The following RALGAPA2 variants were observed in gnomAD, a reference collection of about 807,000 sequenced individuals.
RALGAPA2 encodes ral GTPase-activating protein subunit alpha-2.
RALGAPA2 carries 139 observed loss-of-function variants against 230.4 expected under a neutral mutation model. The ratio of observed to expected loss-of-function variants is 0.60; its 90% CI spans 0.53 to 0.69. RALGAPA2 has a LOEUF of 0.69. RALGAPA2 is among the 30% of genes least tolerant of loss of function. RALGAPA2 has a pLI of 0.00. For synonymous variants in RALGAPA2, 847 were observed against 837.8 expected, an observed-to-expected ratio of 1.01 and a Z score of -0.19; for missense variants, 2,163 against 2,276.0, an observed-to-expected ratio of 0.95 and a Z score of 1.01.
At chr20:20,516,549 TAA>T (rs2062876617) in intron 31 of RALGAPA2, among the ~76,000 whole-genome samples, 1 of 152,188 alleles carries the variant, frequency 6.6e-6, no homozygotes, top group Non-Finnish European at 1.5e-5. Context: ...CTGTCGAAGT[TAA>T]AGTTAACTAC....
At chr20:20,490,434 G>T (rs1220025340) in intron 36 of RALGAPA2, among the ~76,000 whole-genome samples, 1 of 152,012 alleles carries the variant, frequency 6.6e-6, no homozygotes, top group Non-Finnish European at 1.5e-5. Flanking sequence ...AGTACATTCT[G>T]GTTGTTTGGT....
chr20:20,677,007 C>A (rs991998111), intron 2 of RALGAPA2, among the ~76,000 whole-genome samples: 4 of 152,234 alleles, frequency 2.6e-5, no homozygotes, highest in South Asian at 4.2e-4. Flanking sequence ...AGCTGTGGAC[C>A]CCTGATCTAA....
intron 23 of RALGAPA2, among the ~76,000 whole-genome samples, chr20:20,548,821 G>A (rs1055820710): frequency 3.3e-5 from 5 of 152,204 alleles, no homozygotes; most frequent in African/African-American, 1.2e-4. Flanking sequence ...TACTCACAGA[G>A]GTACTCATTG....
chr20:20,427,706 G>C (rs1323385075), intron 37 of RALGAPA2, among the ~76,000 whole-genome samples: 1 of 152,080 alleles, frequency 6.6e-6, no homozygotes, highest in Admixed American at 6.6e-5. Context: ...GACCGCACAG[G>C]TTGCCAGTAA....
chr20:20,420,669 A>G (rs903923976), intron 37 of RALGAPA2, among the ~76,000 whole-genome samples: 4 of 152,166 alleles, frequency 2.6e-5, no homozygotes, highest in African/African-American at 9.7e-5. Flanking sequence ...ACTACACACA[A>G]GGAGGCAGGC....
At chr20:20,418,602 A>C (rs2060212639) in intron 37 of RALGAPA2, among the ~76,000 whole-genome samples, 1 of 152,246 alleles carries the variant, frequency 6.6e-6, no homozygotes, top group South Asian at 2.1e-4. Context: ...ATGCAGTCAC[A>C]CAATGGGATA....
chr20:20,511,378 C>T, intron 32 of RALGAPA2, 53 bp from the exon 33 acceptor site: 1 of 1,514,772 alleles, frequency 6.6e-7, no homozygotes, highest in Non-Finnish European at 8.8e-7. Context: ...AACCATTTTG[C>T]CGCTTTTCAA....
At chr20:20,566,783 A>G (rs1420551993) in intron 23 of RALGAPA2, among the ~76,000 whole-genome samples, 1 of 152,234 alleles carries the variant, frequency 6.6e-6, no homozygotes, top group Non-Finnish European at 1.5e-5. Context: ...GAAATCAGAC[A>G]AGCTGACTTG....
intron 1 of RALGAPA2, among the ~76,000 whole-genome samples, chr20:20,698,831 A>G (rs1238259889): frequency 1.3e-5 from 2 of 152,256 alleles, no homozygotes; most frequent in Non-Finnish European, 2.9e-5. Context: ...AATGGGATAT[A>G]CATTTCAAAG....
At chr20:20,589,965 CTATTT>C (rs1005189715) in intron 17 of RALGAPA2, among the ~76,000 whole-genome samples, 33 of 150,894 alleles carry the variant, frequency 2.2e-4, no homozygotes, top group African/African-American at 6.6e-4. Flanking sequence ...AGTCCTATAA[CTATTT>C]TATTTTAACT....
chr20:20,468,687 C>T (rs2061473245), intron 37 of RALGAPA2, among the ~76,000 whole-genome samples: 1 of 152,050 alleles, frequency 6.6e-6, no homozygotes, highest in Non-Finnish European at 1.5e-5. Context: ...TCTCTGCCCC[C>T]TCCTTTCAAG....
At chr20:20,608,414 T>G (rs150713556) in intron 14 of RALGAPA2, among the ~76,000 whole-genome samples, 225 of 152,230 alleles carry the variant, frequency 1.5e-3, no homozygotes, top group African/African-American at 5.2e-3. Flanking sequence ...TCACCATTAT[T>G]TGGTAAATAT....
Position 20,393,188 on chromosome 20 carries a change from G to C in RALGAPA2, c.*101C>G. On this transcript the variant is annotated 3_prime_UTR_variant, in exon 40 of 40. Coordinates refer to ENST00000202677, the MANE Select transcript of RALGAPA2 (RefSeq NM_020343.4). ...GTGGCTCGGGGCAGAGGCAGGAGAG[G>C]GTGTTCTGTCTCCTCCTCACTCAGG... 7.4e-7 allele frequency: 1 copy of C among 1,349,840 alleles called. No individual in the cohort carries two copies. The highest frequency in any genetic ancestry group is 9.9e-7 in the Non-Finnish European group (1 of 1,013,848). The allele number at this position is 1,349,840 out of a possible 1,614,324, so 83.6% of individuals were successfully genotyped here.
At chr20:20,533,650 A>T (rs911013759) in intron 26 of RALGAPA2, among the ~76,000 whole-genome samples, 3 of 152,338 alleles carry the variant, frequency 2.0e-5, no homozygotes, top group Non-Finnish European at 4.4e-5. Flanking sequence ...TAATAAACAC[A>T]ATTAGAAGAC....
At chr20:20,458,875 T>TATATATATATAC (rs1556044736) in intron 37 of RALGAPA2, among the ~76,000 whole-genome samples, 7 of 120,184 alleles carry the variant, frequency 5.8e-5, no homozygotes, top group Non-Finnish European at 1.0e-4. Flanking sequence ...TATATATATA[T>TATATATATATAC]ACACACACAC....
intron 16 of RALGAPA2, among the ~76,000 whole-genome samples, chr20:20,592,047 C>A (rs2146109111): frequency 6.6e-6 from 1 of 152,284 alleles, no homozygotes. Context: ...ACCCAAGGCA[C>A]TGGAATTATC....
intron 4 of RALGAPA2, among the ~76,000 whole-genome samples, chr20:20,645,955 TAA>T (rs11483626): frequency 2.2e-5 from 3 of 133,744 alleles, no homozygotes; most frequent in African/African-American, 2.7e-5. Flanking sequence ...TTTTTAATAA[TAA>T]AAAAAAAAAA....
chr20:20,490,651 C>T (rs1054659442), intron 36 of RALGAPA2, among the ~76,000 whole-genome samples: 52 of 152,132 alleles, frequency 3.4e-4, no homozygotes, highest in African/African-American at 1.0e-3. Flanking sequence ...CAAAGTCAAA[C>T]ACTCTCCCTA....
chr20:20,505,446 C>T lies in RALGAPA2; in HGVS notation c.5017G>A (p.Ala1673Thr), dbSNP rs752665870. ...AGTCCAGCAACAAAGTCTTCATATG[C>T]TTGGCTTCCTCTTTCATTAGAGAGG... Reference protein sequence around the residue: ...SILSNERGSQAYEDFVAGLGW... With the variant: ...SILSNERGSQTYEDFVAGLGW... The change falls in exon 34 of 40, where the codon GCA (alanine) becomes ACA (threonine). Residue 1673 changes from alanine to threonine, a missense_variant. Transcript: ENST00000202677. 3.1e-6 allele frequency: 5 copies of T among 1,601,606 alleles called. No homozygotes were observed. Among genetic ancestry groups the T allele is most frequent in the South Asian group, 1.1e-5 (1 of 88,708 alleles).
Sources: gnomAD v4.1 joint callset for allele counts (sites outside exome capture counted in the v4.1 genomes callset) on GRCh38, gnomAD v4.1.1 for gene constraint, MANE v1.5 for transcripts, NCBI Gene and HGNC (gene_info 2026-07-23, HGNC 2026-07-21) for gene names.